TNR: variants seen among roughly 807,000 people sequenced by gnomAD.
The protein encoded by TNR is tenascin-R.
TNR carries 45 observed loss-of-function variants against 150.4 expected under a neutral mutation model. The observed-to-expected ratio is 0.30, with a 90% CI of 0.24 to 0.38. The LOEUF (loss-of-function observed/expected upper bound fraction) is 0.38, where lower values mean the gene tolerates loss of function less well. Ranked by LOEUF, TNR falls within the 10% of genes least tolerant of loss-of-function variation. The probability of loss-of-function intolerance (pLI) is 1.00; values close to 1 mark genes in which losing one functional copy is unlikely to be tolerated. For synonymous variants in TNR, 687 were observed against 678.4 expected (o/e 1.01, Z -0.20); for missense variants, 1,544 against 1,759.1 (o/e 0.88, Z 2.19).
rs559890223 is a variant in TNR at position 175,543,151 on chromosome 1, C to T, written c.-164-14782G>A. On this transcript the variant is annotated intron_variant, in intron 1 of 22. Transcript: ENST00000367674. ...TGGTTCAGACAGCTACTAGAGGAAA[C>T]GAAACAGTGAGAAAAAACAAAATGG... Among the ~76,000 whole-genome samples the T allele has an allele frequency of 5.1e-4, 77 of 152,178 alleles. 1 individual carries two copies. Among genetic ancestry groups the T allele is most frequent in the African/African-American group, 1.7e-3 (70 of 41,514 alleles).
At chr1:175,360,293 G>A (rs1472573284) in intron 14 of TNR, among the ~76,000 whole-genome samples, 1 of 152,176 alleles carries the variant, frequency 6.6e-6, no homozygotes, top group Non-Finnish European at 1.5e-5. Context: ...GCTCAGTCAG[G>A]TTGCCTCAAA....
intron 9 of TNR, among the ~76,000 whole-genome samples, chr1:175,374,782 G>A (rs1652296340): frequency 1.3e-5 from 2 of 152,240 alleles, no homozygotes; most frequent in East Asian, 1.9e-4. Context: ...TGTGGAGTGG[G>A]TAAGGGGTGC....
At chr1:175,721,495 G>A (rs1413773436) in intron 1 of TNR, among the ~76,000 whole-genome samples, 1 of 152,068 alleles carries the variant, frequency 6.6e-6, no homozygotes, top group Non-Finnish European at 1.5e-5. Context: ...AGACTGATCT[G>A]TCGCCATTCC....
In TNR at chr1:175,379,690, T is replaced by C. The variant is rs767680808; in HGVS notation, c.1825A>G (p.Ser609Gly). 27 of 1,614,100 alleles carry C rather than the reference T, an allele frequency of 1.7e-5. No homozygotes were observed. In the Admixed American group the frequency reaches 4.2e-4, roughly 25 times the overall value. ...NLRVGSRTAT[S>G]LDLEWDNSEA... The stretch of plus-strand genomic sequence containing the variant: ...CTGTTATCCCACTCGAGGTCAAGGC[T>C]GGTTGCTGTGCGAGAACCAACTCGC... The change falls in exon 9 of 23, where the codon AGC becomes GGC. Residue 609 changes from serine (S) to glycine (G), a missense_variant. Physicochemically the swap from Ser to Gly is moderately conservative, Grantham distance 56 (BLOSUM62 0). This residue lies in a region of TNR where 1,254 missense variants were observed against 1,329.4 expected (regional missense o/e 0.94). Transcript: ENST00000367674.
chr1:175,369,670 C>T (rs1374453262), intron 9 of TNR, among the ~76,000 whole-genome samples: 1 of 152,124 alleles, frequency 6.6e-6, no homozygotes, highest in African/African-American at 2.4e-5. Context: ...AGAGATGCCC[C>T]CCCGGATTCT....
chr1:175,560,478 G>A (rs936548573), intron 1 of TNR, among the ~76,000 whole-genome samples: 2 of 152,230 alleles, frequency 1.3e-5, no homozygotes, highest in Non-Finnish European at 2.9e-5. Context: ...TTTGTCAGGG[G>A]CCTTGCCATA....
At chr1:175,449,427 C>T (rs1488170737) in intron 2 of TNR, among the ~76,000 whole-genome samples, 1 of 152,168 alleles carries the variant, frequency 6.6e-6, no homozygotes, top group African/African-American at 2.4e-5. Flanking sequence ...GCCATCATTC[C>T]TCTCCCTTTC....
At chr1:175,401,638 A>T (rs1028900646) in intron 4 of TNR, among the ~76,000 whole-genome samples, 1 of 152,064 alleles carries the variant, frequency 6.6e-6, no homozygotes, top group African/African-American at 2.4e-5. Flanking sequence ...TTTTCTTTTC[A>T]TTATTACCAT....
At chr1:175,571,070 G>C (rs1661847014) in intron 1 of TNR, among the ~76,000 whole-genome samples, 1 of 152,172 alleles carries the variant, frequency 6.6e-6, no homozygotes, top group African/African-American at 2.4e-5. Flanking sequence ...CATCATCAGA[G>C]TTAGCTCTAA....
chr1:175,362,913 C>T (rs1651669197), intron 13 of TNR, 104 bp from the exon 14 acceptor site: 1 of 1,389,210 alleles, frequency 7.2e-7, no homozygotes, highest in Non-Finnish European at 1.0e-6. Context: ...TGGGACTCCG[C>T]ACTCAGTGGG....
chr1:175,602,110 A>AATTG (rs998705250), intron 1 of TNR, among the ~76,000 whole-genome samples: 2 of 151,206 alleles, frequency 1.3e-5, no homozygotes, highest in African/African-American at 4.9e-5. Flanking sequence ...ATCTGCTTTA[A>AATTG]ATTGATAATA....
At chr1:175,461,676 C>T (rs918106985) in intron 2 of TNR, among the ~76,000 whole-genome samples, 1 of 152,216 alleles carries the variant, frequency 6.6e-6, no homozygotes, top group Non-Finnish European at 1.5e-5. Context: ...TTTACTGCTT[C>T]TGCTCACTAT....
chr1:175,684,928 C>A (rs1275145671), intron 1 of TNR, among the ~76,000 whole-genome samples: 1 of 152,222 alleles, frequency 6.6e-6, no homozygotes, highest in Non-Finnish European at 1.5e-5. Context: ...TTCCTCAGAA[C>A]TTTGGGAAAC....
intron 2 of TNR, among the ~76,000 whole-genome samples, chr1:175,441,803 A>C (rs1283806809): frequency 1.3e-5 from 2 of 152,192 alleles, no homozygotes; most frequent in Non-Finnish European, 2.9e-5. Flanking sequence ...CTTAGCCCAA[A>C]AAGCTCCTAA....
At chr1:175,469,146 C>T (rs1557952890) in intron 2 of TNR, among the ~76,000 whole-genome samples, 1 of 152,028 alleles carries the variant, frequency 6.6e-6, no homozygotes, top group Non-Finnish European at 1.5e-5. Context: ...TCTGACGGAC[C>T]TACGAGGCTG....
In TNR at chr1:175,740,496, G is replaced by A. The variant is rs574266325; in HGVS notation, c.-165+2730C>T. Among the ~76,000 whole-genome samples the A allele has an allele frequency of 1.8e-3, 276 of 152,122 alleles. 2 individuals carry two copies. The highest frequency in any genetic ancestry group is 6.5e-3 in the African/African-American group (271 of 41,498). On this transcript the variant is annotated intron_variant, in intron 1 of 22. Transcript: ENST00000367674. ...AAAGATGGCAACCTATGGCCATGGA[G>A]AATAGGGCAGAACAGCTGACCTCCT... is the stretch of plus-strand genomic sequence containing the variant.
rs1475635086 is a variant in TNR, at chr1:175,736,209, C to G, written c.-165+7017G>C. On this transcript the variant is annotated intron_variant, in intron 1 of 22. Coordinates refer to ENST00000367674, the MANE Select transcript of TNR (RefSeq NM_003285.3). ...CTTTGTACTCATGCCTCATTTAATTCTCACAAAAAAAACTTAAGGAAGATG... is the reference window on the plus strand; with the variant it reads ...CTTTGTACTCATGCCTCATTTAATTGTCACAAAAAAAACTTAAGGAAGATG... 3.3e-5 allele frequency among the ~76,000 whole-genome samples: 5 copies of G among 151,866 alleles called. No individual in the cohort carries two copies. In the East Asian group the frequency reaches 9.6e-4, roughly 29 times the overall value.
intron 1 of TNR, among the ~76,000 whole-genome samples, chr1:175,612,222 A>G (rs1023835958): frequency 6.6e-6 from 1 of 152,144 alleles, no homozygotes; most frequent in Non-Finnish European, 1.5e-5. Context: ...CTCAGAGGTT[A>G]CAGAGATGTG....
rs1167141925 is a variant in TNR, at chr1:175,465,930, G to T, written c.-63-59153C>A. On this transcript the variant is annotated intron_variant, in intron 2 of 22. Coordinates refer to ENST00000367674, the MANE Select transcript of TNR (RefSeq NM_003285.3). Reference sequence around the variant, plus strand: ...TGTGGAGTAGCTTGAGACAGGTGTTGCTTGGTCCTTACATTTTCATACCCT... The same window carrying T: ...TGTGGAGTAGCTTGAGACAGGTGTTTCTTGGTCCTTACATTTTCATACCCT... Among the ~76,000 whole-genome samples the T allele has an allele frequency of 2.6e-5, 4 of 152,318 alleles. No homozygotes were observed. The East Asian group carries it at 5.8e-4, about 22-fold the overall frequency.
Sources: allele counts gnomAD v4.1 joint callset (sites outside exome capture counted in the v4.1 genomes callset), GRCh38; gene constraint gnomAD v4.1.1; regional missense constraint gnomAD v4.1.1; transcripts MANE v1.5; gene names NCBI Gene and HGNC (gene_info 2026-07-23, HGNC 2026-07-21).